The following PAGE2B variants were observed in gnomAD, a reference collection of about 807,000 sequenced individuals.
The protein encoded by PAGE2B is putative G antigen family E member 3.
PAGE2B carries 5 observed loss-of-function variants against 7.6 expected under a neutral mutation model. The observed-to-expected ratio is 0.66, with a 90% CI of 0.34 to 1.38. The LOEUF is 1.38. Among genes scored for constraint, PAGE2B ranks in the 40% most tolerant of loss-of-function variants. The probability of loss-of-function intolerance (pLI) is 0.04; values close to 1 mark genes in which losing one functional copy is unlikely to be tolerated. For missense variants in PAGE2B, 70 were observed against 78.4 expected (o/e 0.89, Z 0.41); for synonymous variants, 29 against 26.7 (o/e 1.09, Z -0.27).
the PAGE2B span, among the ~76,000 whole-genome samples, chrX:55,037,576 G>C: frequency 3.6e-5 from 4 of 111,086 alleles, no homozygotes; most frequent in African/African-American, 9.8e-5. Flanking sequence ...GATTATAAAT[G>C]ATGCTGCTAT....
chrX:55,060,847 T>C, the PAGE2B span, among the ~76,000 whole-genome samples: 1 of 110,914 alleles, frequency 9.0e-6, no homozygotes, highest in African/African-American at 3.3e-5. Context: ...CAGTAAGTTT[T>C]CAATAACCAA....
intron 1 of PAGE2B, among the ~76,000 whole-genome samples, chrX:55,075,594 A>G (rs1569548330): frequency 1.8e-5 from 2 of 109,834 alleles, no homozygotes; most frequent in African/African-American, 3.3e-5. Flanking sequence ...ACAATTTCTC[A>G]CCTCCGCCAT....
upstream of PAGE2B, among the ~76,000 whole-genome samples, chrX:55,073,200 T>C (rs769585947): frequency 8.9e-6 from 1 of 112,058 alleles, no homozygotes; most frequent in East Asian, 2.8e-4. Flanking sequence ...GCCCTGCTGA[T>C]GTTGGCACAA....
upstream of PAGE2B, among the ~76,000 whole-genome samples, chrX:55,071,152 T>TG (rs1557253323): frequency 1.8e-5 from 2 of 111,593 alleles, no homozygotes; most frequent in Non-Finnish European, 3.8e-5. Context: ...GATTAGTTTT[T>TG]TTTGTTTGTT....
the PAGE2B span, among the ~76,000 whole-genome samples, chrX:55,053,470 C>A: frequency 8.9e-6 from 1 of 111,749 alleles, no homozygotes; most frequent in South Asian, 3.8e-4. Context: ...ACCATGGCAC[C>A]CATTTACCTA....
chrX:55,054,240 C>A, the PAGE2B span, among the ~76,000 whole-genome samples: 1 of 111,139 alleles, frequency 9.0e-6, no homozygotes. Context: ...GACAAACCAA[C>A]AACAACAACA....
chrX:55,076,354 A>G (rs1415591750), intron 2 of PAGE2B, among the ~76,000 whole-genome samples: 5 of 102,808 alleles, frequency 4.9e-5, no homozygotes, highest in Admixed American at 1.1e-4. Flanking sequence ...GTGTGTGTGT[A>G]TATGTATATA....
At chrX:55,071,182 G>A (rs977386422), upstream of PAGE2B, among the ~76,000 whole-genome samples, 1 of 111,084 alleles carries the variant, frequency 9.0e-6, no homozygotes, top group African/African-American at 3.3e-5. Context: ...TGCAGTAGCT[G>A]GTACCGGTTG....
upstream of PAGE2B, among the ~76,000 whole-genome samples, chrX:55,074,511 C>A (rs111836645): frequency 0.082 from 9,184 of 111,408 alleles, 397 homozygotes; most frequent in Non-Finnish European, 0.13. Context: ...ACAGTGGGTG[C>A]AACAGGGATT....
At chrX:55,074,935 G>A (rs1345830724), upstream of PAGE2B, 1 of 113,065 alleles carries the variant, frequency 8.8e-6, no homozygotes, top group Non-Finnish European at 1.9e-5. Flanking sequence ...CCCAGTCAGT[G>A]TGCATGCTGC....
Position 55,076,647 on chromosome X carries a change from A to G in PAGE2B, c.163A>G (p.Ile55Val), listed in dbSNP as rs1167407186. 5.8e-6 allele frequency: 7 copies of G among 1,207,992 alleles called. No individual in the cohort carries two copies. The highest frequency in any genetic ancestry group is 6.7e-6 in the Non-Finnish European group (6 of 894,024). Reference protein sequence around the residue: ...DNQGIAPSGEIENEGAPAVQG... With the variant: ...DNQGIAPSGEVENEGAPAVQG... ...TCAGGGTATTGCACCTAGTGGGGAG[A>G]TCGAAAATGAAGGAGCACCTGCCGT... The change falls in exon 3 of 5, where the codon ATC becomes GTC. Residue 55 changes from isoleucine to valine, a missense_variant. By Grantham distance (29) the Ile-to-Val change is conservative. Transcript: ENST00000374971.
chrX:55,036,910 T>G, the PAGE2B span, among the ~76,000 whole-genome samples: 101 of 109,997 alleles, frequency 9.2e-4, 1 homozygote, highest in African/African-American at 1.8e-3. Flanking sequence ...TCAAGATGGA[T>G]TAAAGACTTA....
At chrX:55,041,078 C>CTTTTTTT in the PAGE2B span, among the ~76,000 whole-genome samples, 1 of 82,154 alleles carries the variant, frequency 1.2e-5, no homozygotes. Context: ...TTCAATAATT[C>CTTTTTTT]TTTTTTTTTT....
chrX:55,067,856 A>G, the PAGE2B span, among the ~76,000 whole-genome samples: 40 of 112,357 alleles, frequency 3.6e-4, no homozygotes, highest in Non-Finnish European at 6.8e-4. Flanking sequence ...TCTTCTTTTG[A>G]GAAGTGTCTG....
At chrX:55,045,927 A>T in the PAGE2B span, among the ~76,000 whole-genome samples, 7 of 111,147 alleles carry the variant, frequency 6.3e-5, no homozygotes, top group African/African-American at 2.3e-4. Flanking sequence ...GGATACAAAG[A>T]AGTCAAATAA....
At chrX:55,040,750 A>C in the PAGE2B span, among the ~76,000 whole-genome samples, 1 of 111,792 alleles carries the variant, frequency 8.9e-6, no homozygotes, top group East Asian at 2.8e-4. Context: ...GTTGTACAAC[A>C]ATGTGATTGT....
the PAGE2B span, among the ~76,000 whole-genome samples, chrX:55,032,788 G>A: frequency 0.02 from 2,287 of 112,028 alleles, 66 homozygotes; most frequent in African/African-American, 0.071. Context: ...TGGAGATGCA[G>A]TGGCATGTAA....
chrX:55,063,402 G>A, the PAGE2B span, among the ~76,000 whole-genome samples: 1 of 110,792 alleles, frequency 9.0e-6, no homozygotes, highest in African/African-American at 3.3e-5. Flanking sequence ...ACTGATTTTT[G>A]TATGTTGATT....
intron 4 of PAGE2B, among the ~76,000 whole-genome samples, chrX:55,077,918 GTA>G (rs1355983968): frequency 9.7e-6 from 1 of 102,695 alleles, no homozygotes; most frequent in South Asian, 4.3e-4. Flanking sequence ...TTTACAATGT[GTA>G]TATATATATA....
Sources: allele counts gnomAD v4.1 joint callset (sites outside exome capture counted in the v4.1 genomes callset), GRCh38; gene constraint gnomAD v4.1.1; transcripts MANE v1.5; gene names NCBI Gene and HGNC (gene_info 2026-07-23, HGNC 2026-07-21).